Variants in ZBTB7C observed in about 807,000 individuals in gnomAD.
ZBTB7C encodes zinc finger and BTB domain containing 7C, also known as zinc finger and BTB domain-containing protein 7C.
A neutral mutation model predicts 25.7 loss-of-function variants in ZBTB7C; 8 were observed. The ratio of observed to expected loss-of-function variants is 0.31; its 90% CI spans 0.18 to 0.56. ZBTB7C has a LOEUF of 0.56. ZBTB7C is among the 20% of genes least tolerant of loss of function. The pLI, the probability that ZBTB7C is intolerant of heterozygous loss-of-function variation, is 0.91. For synonymous variants in ZBTB7C, 394 were observed against 369.0 expected (o/e 1.07, Z -0.78); for missense variants, 824 against 855.2 (o/e 0.96, Z 0.46).
rs117233027 is a variant in ZBTB7C at position 48,293,348 on chromosome 18, C to G, written c.-79+44826G>C. On this transcript the variant is annotated intron_variant, in intron 2 of 4. Coordinates refer to ENST00000590800, the MANE Select transcript of ZBTB7C (RefSeq NM_001318841.2). Reference sequence around the variant, plus strand: ...GAGCACCCTACCCTAATGACCTCATCTGACTCTATTCACCTCTCAAATGCT... The same window carrying G: ...GAGCACCCTACCCTAATGACCTCATGTGACTCTATTCACCTCTCAAATGCT... Among the ~76,000 whole-genome samples, 1,086 of 152,328 alleles carry G rather than the reference C, an allele frequency of 7.1e-3. 4 individuals carry two copies. The highest frequency in any genetic ancestry group is 0.041 in the Middle Eastern group (12 of 294).
chr18:48,194,954 A>G (rs983163749), intron 2 of ZBTB7C, among the ~76,000 whole-genome samples: 1 of 152,092 alleles, frequency 6.6e-6, no homozygotes, highest in Non-Finnish European at 1.5e-5. Flanking sequence ...GCTACTCCCA[A>G]TTTTGCCAGC....
chr18:48,044,922 G>T (rs556705131), intron 3 of ZBTB7C, among the ~76,000 whole-genome samples: 2 of 152,244 alleles, frequency 1.3e-5, no homozygotes, highest in Non-Finnish European at 2.9e-5. Flanking sequence ...AAGCCACTAA[G>T]AGCTGATACA....
At chr18:48,353,307 C>G (rs1375665419) in intron 1 of ZBTB7C, among the ~76,000 whole-genome samples, 1 of 152,178 alleles carries the variant, frequency 6.6e-6, no homozygotes, top group Non-Finnish European at 1.5e-5. Flanking sequence ...ATTTACCACA[C>G]CAAGATGTAC....
At chr18:48,369,553 G>C (rs1421579590) in intron 1 of ZBTB7C, among the ~76,000 whole-genome samples, 1 of 151,904 alleles carries the variant, frequency 6.6e-6, no homozygotes, top group Non-Finnish European at 1.5e-5. Flanking sequence ...AAAGGATGAA[G>C]AAAAAGATAT....
At chr18:48,034,177 T>G (rs919470620) in intron 4 of ZBTB7C, among the ~76,000 whole-genome samples, 3 of 152,126 alleles carry the variant, frequency 2.0e-5, no homozygotes, top group African/African-American at 7.2e-5. Context: ...CAAGGCCCCC[T>G]TGTCCAATGG....
chr18:48,284,349 G>C (rs879880962), intron 2 of ZBTB7C, among the ~76,000 whole-genome samples: 4 of 152,060 alleles, frequency 2.6e-5, no homozygotes, highest in Non-Finnish European at 5.9e-5. Flanking sequence ...TGAGATGGAA[G>C]GATCACTTGA....
At chr18:48,378,695 TA>T (rs550362127) in intron 1 of ZBTB7C, among the ~76,000 whole-genome samples, 8 of 151,608 alleles carry the variant, frequency 5.3e-5, no homozygotes, top group African/African-American at 1.2e-4. Context: ...AAAAAAAACT[TA>T]AAAAAAATTA....
At chr18:48,384,916 T>C (rs1453268082) in intron 1 of ZBTB7C, among the ~76,000 whole-genome samples, 3 of 151,676 alleles carry the variant, frequency 2.0e-5, no homozygotes, top group Non-Finnish European at 4.4e-5. Context: ...TCCTGGACTC[T>C]AGTGATCCAC....
chr18:48,165,086 C>T, intron 3 of ZBTB7C: 2 of 1,283,258 alleles, frequency 1.6e-6, no homozygotes, highest in Non-Finnish European at 2.0e-6. Flanking sequence ...CACATTCCCA[C>T]AAACAAGTAT....
At chr18:48,230,825 C>T (rs2043231229) in intron 2 of ZBTB7C, among the ~76,000 whole-genome samples, 1 of 152,186 alleles carries the variant, frequency 6.6e-6, no homozygotes, top group Non-Finnish European at 1.5e-5. Context: ...CACGGAAAGC[C>T]CCCTGCCCCT....
chr18:48,080,614 G>A (rs4458073), intron 3 of ZBTB7C, among the ~76,000 whole-genome samples: 240 of 152,318 alleles, frequency 1.6e-3, no homozygotes, highest in Non-Finnish European at 2.1e-3. Context: ...TCCCCTTCAA[G>A]CTCTGAAGTG....
At chr18:48,221,871 A>G (rs1443659916) in intron 2 of ZBTB7C, among the ~76,000 whole-genome samples, 3 of 132,834 alleles carry the variant, frequency 2.3e-5, no homozygotes, top group Non-Finnish European at 4.7e-5. Context: ...CTCCCTCTAT[A>G]CTGTCCTAGT....
At chr18:48,389,471 T>TTA (rs1187738374) in intron 1 of ZBTB7C, among the ~76,000 whole-genome samples, 3 of 149,880 alleles carry the variant, frequency 2.0e-5, no homozygotes, top group African/African-American at 7.4e-5. Context: ...ATTTTTTTTT[T>TTA]TTTTTTTTTT....
intron 2 of ZBTB7C, among the ~76,000 whole-genome samples, chr18:48,330,160 C>A (rs2144904560): frequency 6.6e-6 from 1 of 152,318 alleles, no homozygotes; most frequent in South Asian, 2.1e-4. Flanking sequence ...TCGGAGGGAG[C>A]TAAGCTCTGT....
chr18:48,077,060 T>TG, intron 3 of ZBTB7C: 1 of 574,894 alleles, frequency 1.7e-6, no homozygotes, highest in Middle Eastern at 8.7e-4. Flanking sequence ...TGTTGTTATA[T>TG]GCAAAAAAAA....
intron 2 of ZBTB7C, among the ~76,000 whole-genome samples, chr18:48,226,282 C>A (rs1033184234): frequency 1.3e-5 from 2 of 152,220 alleles, no homozygotes; most frequent in African/African-American, 4.8e-5. Flanking sequence ...CCAGGAAACA[C>A]CTCCAGGTGT....
intron 1 of ZBTB7C, among the ~76,000 whole-genome samples, chr18:48,388,730 C>A (rs529935109): frequency 2.6e-4 from 40 of 152,258 alleles, no homozygotes; most frequent in Non-Finnish European, 4.9e-4. Flanking sequence ...GCCTGGGCAA[C>A]AGACCAATGC....
intron 2 of ZBTB7C, among the ~76,000 whole-genome samples, chr18:48,293,408 T>C (rs72909608): frequency 0.12 from 17,990 of 152,196 alleles, 1,346 homozygotes; most frequent in Non-Finnish European, 0.17. Flanking sequence ...GGAATTAGGG[T>C]TTCAACATAG....
chr18:48,041,160 A>G, intron 3 of ZBTB7C, 37 bp from the exon 4 acceptor site: 1 of 1,540,440 alleles, frequency 6.5e-7, no homozygotes, highest in Non-Finnish European at 8.7e-7. Context: ...TGGGTTAGTG[A>G]GCGTGGCCCC....
Sources: allele counts gnomAD v4.1 joint callset (sites outside exome capture counted in the v4.1 genomes callset), GRCh38; gene constraint gnomAD v4.1.1; transcripts MANE v1.5; gene names NCBI Gene and HGNC (gene_info 2026-07-23, HGNC 2026-07-21).